Variants in CPSF3 observed in about 807,000 individuals in gnomAD.
CPSF3 encodes the protein cleavage and polyadenylation specificity factor subunit 3.
CPSF3 carries 57 observed loss-of-function variants against 84.1 expected under a neutral mutation model. The ratio of observed to expected loss-of-function variants is 0.68; its 90% CI spans 0.55 to 0.85. CPSF3 has a LOEUF of 0.85. CPSF3 is among the 40% of genes least tolerant of loss of function. The pLI, the probability that CPSF3 is intolerant of heterozygous loss-of-function variation, is 0.00. For missense variants in CPSF3, 522 were observed against 838.8 expected (o/e 0.62, Z 4.66); for synonymous variants, 275 against 278.1 (o/e 0.99, Z 0.11).
intron 11 of CPSF3, among the ~76,000 whole-genome samples, 167 bp downstream of exon 11, chr2:9,448,517 A>G (rs1681199234): frequency 6.6e-6 from 1 of 152,190 alleles, no homozygotes; most frequent in African/African-American, 2.4e-5. Flanking sequence ...GGTTCTGTGC[A>G]TTCATTTCTT....
chr2:9,461,573 G>A (rs1358768945), intron 15 of CPSF3, among the ~76,000 whole-genome samples: 1 of 151,722 alleles, frequency 6.6e-6, no homozygotes, highest in African/African-American at 2.4e-5. Flanking sequence ...AGGAGGCTGA[G>A]GGGCGAAAAT....
In CPSF3 at chr2:9,448,183, A is replaced by G. The variant is rs758654693; in HGVS notation, c.1243-15A>G. The G allele has an allele frequency of 5.9e-6, 9 of 1,527,724 alleles. No homozygotes were observed. The highest frequency in any genetic ancestry group is 1.7e-4 in the Middle Eastern group (1 of 5,868). The allele number at this position is 1,527,724 out of a possible 1,614,324, so 94.6% of individuals were successfully genotyped here. A position where few individuals can be genotyped will look rare whatever the true frequency, so the allele number is the denominator to read the frequency against. ...TGATGTTTCCATATATTCTTTTAAC[A>G]TTTATTCTATGTAGATTTTAGTCCA... On this transcript the variant is annotated splice_polypyrimidine_tract_variant and intron_variant, in intron 10 of 17. Transcript: ENST00000238112.
chr2:9,445,142 C>T (rs1298098032), intron 10 of CPSF3, among the ~76,000 whole-genome samples: 1 of 152,126 alleles, frequency 6.6e-6, no homozygotes, highest in Non-Finnish European at 1.5e-5. Flanking sequence ...AACTCTGTAC[C>T]GTTACACAGT....
intron 12 of CPSF3, among the ~76,000 whole-genome samples, chr2:9,455,119 T>C (rs1160256277): frequency 1.3e-5 from 2 of 151,310 alleles, no homozygotes; most frequent in African/African-American, 2.4e-5. Context: ...CCTGGTATGT[T>C]TGGGGACATG....
chr2:9,428,967 G>A (rs1680486156), intron 2 of CPSF3, 139 bp downstream of exon 2: 1 of 570,552 alleles, frequency 1.8e-6, no homozygotes, highest in Admixed American at 3.3e-5. Flanking sequence ...TAGTGTTAAT[G>A]AGAAAAACTA....
chr2:9,467,941 C>T (rs1175669181), intron 16 of CPSF3, 165 bp downstream of exon 16: 6 of 587,386 alleles, frequency 1.0e-5, no homozygotes, highest in Non-Finnish European at 1.5e-5. Context: ...TGGAACCGTT[C>T]CCTGCCAGCT....
chr2:9,444,425 C>T (rs1025946587), intron 10 of CPSF3, among the ~76,000 whole-genome samples: 1 of 151,222 alleles, frequency 6.6e-6, no homozygotes, highest in Non-Finnish European at 1.5e-5. Context: ...TGCACCCGGC[C>T]GACTTACTTA....
chr2:9,442,001 T>A (rs756380124), intron 9 of CPSF3, 25 bp downstream of exon 9: 5 of 1,608,454 alleles, frequency 3.1e-6, no homozygotes, highest in Non-Finnish European at 4.3e-6. Flanking sequence ...TAGGCTGTTG[T>A]GTTATTCCTA....
At position 9,453,050 on chromosome 2, in the gene CPSF3, A is replaced by G. The variant is rs181753052; in HGVS notation, c.1504+29A>G. ...AGTATACTATTAAATGTCAAATCCA[A>G]CTTCACCTTAGCACTGAAAGAAAAT... On this transcript the variant is annotated intron_variant, in intron 12 of 17. Transcript: ENST00000238112. 5.2e-6 allele frequency: 7 copies of G among 1,357,466 alleles called. No individual in the cohort carries two copies. The African/African-American group carries it at 8.8e-5, about 17-fold the overall frequency. The allele number at this position is 1,357,466 out of a possible 1,614,324, so 84.1% of individuals were successfully genotyped here. A position where few individuals can be genotyped will look rare whatever the true frequency, so the allele number is the denominator to read the frequency against.
chr2:9,456,957 A>G lies in CPSF3; in HGVS notation c.1628A>G (p.Gln543Arg), dbSNP rs1283152074. ...GGTGATGTGGAAGAATTAGAAATTC[A>G]AGAAAAACCTGCTCTGAAAGTGTTC... ...LTGDVEELEI[Q>R]EKPALKVFKN... Residue 543 changes from glutamine to arginine, a missense_variant, in exon 14 of 18, where the codon CAA (glutamine) becomes CGA (arginine). Physicochemically the swap from Gln to Arg is conservative, Grantham distance 43. Coordinates refer to ENST00000238112, the MANE Select transcript of CPSF3 (RefSeq NM_016207.4). 6.3e-7 allele frequency: 1 copy of G among 1,598,538 alleles called. No homozygotes were observed. The highest frequency in any genetic ancestry group is 8.5e-7 in the Non-Finnish European group (1 of 1,170,448).
chr2:9,459,891 G>T (rs1431661125), intron 15 of CPSF3, among the ~76,000 whole-genome samples: 2 of 151,664 alleles, frequency 1.3e-5, no homozygotes, highest in South Asian at 4.2e-4. Context: ...CTCGTGATCC[G>T]CCCGCCTCAG....
intron 11 of CPSF3, among the ~76,000 whole-genome samples, chr2:9,448,858 A>G (rs1050368789): frequency 3.3e-5 from 5 of 151,956 alleles, no homozygotes; most frequent in South Asian, 2.1e-4. Flanking sequence ...CCCGGCCTAG[A>G]TTAGATCTTA....
intron 14 of CPSF3, 136 bp downstream of exon 14, chr2:9,457,163 G>A (rs1558461979): frequency 2.2e-6 from 1 of 455,392 alleles, no homozygotes. Context: ...GTGTGTGTGT[G>A]TGTGTGTGTG....
intron 7 of CPSF3, among the ~76,000 whole-genome samples, chr2:9,438,425 A>G (rs1328814384): frequency 6.6e-6 from 1 of 152,144 alleles, no homozygotes; most frequent in Non-Finnish European, 1.5e-5. Flanking sequence ...CTAGAGGACA[A>G]CTCATTAAAT....
chr2:9,432,618 A>T lies in CPSF3; in HGVS notation c.449A>T (p.Lys150Met). The change falls in exon 5 of 18, where the codon AAG (lysine) becomes ATG (methionine). Residue 150 changes from lysine to methionine, a missense_variant. By Grantham distance (95) the Lys-to-Met change is moderately conservative. Transcript: ENST00000238112. ...FHEVKEVAGI[K>M]FWCYHAGHVL... is the part of the protein sequence containing the mutation. ...GAAGTTAAGGAAGTTGCGGGAATCA[A>T]GTTTTGGTGTTACCATGCAGGTCAC... 6.3e-7 allele frequency: 1 copy of T among 1,590,522 alleles called. No individual in the cohort carries two copies. The highest frequency in any genetic ancestry group is 1.1e-5 in the South Asian group (1 of 88,230).
chr2:9,451,089 C>T (rs1482002841), intron 11 of CPSF3, among the ~76,000 whole-genome samples: 2 of 152,098 alleles, frequency 1.3e-5, no homozygotes, highest in Non-Finnish European at 2.9e-5. Context: ...AAAAGTTTTG[C>T]AGTCAGACAG....
intron 6 of CPSF3, among the ~76,000 whole-genome samples, chr2:9,435,063 A>G (rs1214696010): frequency 1.3e-5 from 2 of 152,248 alleles, no homozygotes; most frequent in Non-Finnish European, 2.9e-5. Context: ...TCATAGTACC[A>G]TACTTTAGAG....
At chr2:9,424,120 GT>G in intron 1 of CPSF3, 2 of 1,154,596 alleles carry the variant, frequency 1.7e-6, no homozygotes, top group Non-Finnish European at 2.1e-6. Flanking sequence ...GCTAAGAAGC[GT>G]TTTCACTTAG....
rs746611719 is a variant in CPSF3, at chr2:9,452,934, A to G, written c.1417A>G (p.Lys473Glu). The change falls in exon 12 of 18, where the codon AAA becomes GAA. Residue 473 changes from lysine to glutamate, a missense_variant. Around this residue, in one of 2 missense-constraint regions of CPSF3, gnomAD observed 329 missense variants for 607.2 expected, o/e 0.54. Coordinates refer to ENST00000238112, the MANE Select transcript of CPSF3 (RefSeq NM_016207.4). ...LAKVMGFLAD[K>E]KPEQGQRVSG... ...ACAGGTTATGGGATTTTTAGCAGACAAAAAACCAGAACAAGGCCAGCGGGT... is the reference window on the plus strand; with the variant it reads ...ACAGGTTATGGGATTTTTAGCAGACGAAAAACCAGAACAAGGCCAGCGGGT... The G allele has an allele frequency of 1.2e-6, 2 of 1,602,454 alleles. No homozygotes were observed. Among genetic ancestry groups the G allele is most frequent in the South Asian group, 1.1e-5 (1 of 87,790 alleles).
Sources: gnomAD v4.1 joint callset for allele counts (sites outside exome capture counted in the v4.1 genomes callset) on GRCh38, gnomAD v4.1.1 for gene constraint, gnomAD v4.1.1 regional missense constraint, MANE v1.5 for transcripts, NCBI Gene and HGNC (gene_info 2026-07-23, HGNC 2026-07-21) for gene names.